Variants in MYOZ2 observed in about 807,000 individuals in gnomAD.
The protein encoded by MYOZ2 is myozenin 2, also known as myozenin-2.
A neutral mutation model predicts 25.4 loss-of-function variants in MYOZ2; 19 were observed. The observed-to-expected ratio is 0.75, with a 90% CI of 0.52 to 1.10. The LOEUF (loss-of-function observed/expected upper bound fraction) is 1.10, where lower values mean the gene tolerates loss of function less well. Among genes scored for constraint, MYOZ2 ranks in the 50% least tolerant of loss-of-function variants. The pLI, the probability that MYOZ2 is intolerant of heterozygous loss-of-function variation, is 0.00. For missense variants in MYOZ2, 270 were observed against 317.9 expected, an observed-to-expected ratio of 0.85 and a Z score of 1.15; for synonymous variants, 92 against 106.9, an observed-to-expected ratio of 0.86 and a Z score of 0.86.
chr4:119,145,163 T>C (rs1294971247), intron 2 of MYOZ2, among the ~76,000 whole-genome samples: 1 of 152,154 alleles, frequency 6.6e-6, no homozygotes, highest in Non-Finnish European at 1.5e-5. Flanking sequence ...CATTGATTGA[T>C]CTTTGAATAG....
chr4:119,180,554 T>C (rs1578371739), intron 5 of MYOZ2, among the ~76,000 whole-genome samples: 2 of 152,314 alleles, frequency 1.3e-5, no homozygotes, highest in South Asian at 4.1e-4. Flanking sequence ...TTAATTTTCA[T>C]GATCACATAT....
intron 2 of MYOZ2, among the ~76,000 whole-genome samples, chr4:119,148,637 C>G (rs903438772): frequency 6.6e-6 from 1 of 151,624 alleles, no homozygotes; most frequent in Non-Finnish European, 1.5e-5. Context: ...ACTATTGAGC[C>G]CATTCACTGA....
At chr4:119,155,278 A>G (rs777434271) in intron 3 of MYOZ2, among the ~76,000 whole-genome samples, 2 of 152,164 alleles carry the variant, frequency 1.3e-5, no homozygotes, top group African/African-American at 4.8e-5. Flanking sequence ...TTTAGAGGGG[A>G]CAAATATCCA....
At chr4:119,155,754 C>G (rs549262657) in intron 3 of MYOZ2, among the ~76,000 whole-genome samples, 25 of 152,220 alleles carry the variant, frequency 1.6e-4, no homozygotes, top group African/African-American at 5.5e-4. Context: ...TAATGCCATA[C>G]CAGCATTTGT....
At chr4:119,177,732 C>T (rs1441439873) in intron 5 of MYOZ2, among the ~76,000 whole-genome samples, 1 of 152,156 alleles carries the variant, frequency 6.6e-6, no homozygotes, top group African/African-American at 2.4e-5. Context: ...AAGTCAGCCT[C>T]TCTAATTGCA....
At chr4:119,179,975 A>C (rs1236021332) in intron 5 of MYOZ2, among the ~76,000 whole-genome samples, 1 of 152,234 alleles carries the variant, frequency 6.6e-6, no homozygotes, top group African/African-American at 2.4e-5. Context: ...AAGTTTCAAC[A>C]CATAATTTTT....
chr4:119,139,455 G>A (rs1013348805), intron 2 of MYOZ2, among the ~76,000 whole-genome samples: 4 of 152,158 alleles, frequency 2.6e-5, no homozygotes, highest in Non-Finnish European at 5.9e-5. Context: ...CCCCACCCAT[G>A]AGCCTTGTGC....
At chr4:119,177,571 A>T (rs1033997691) in intron 5 of MYOZ2, among the ~76,000 whole-genome samples, 2 of 152,148 alleles carry the variant, frequency 1.3e-5, no homozygotes, top group African/African-American at 2.4e-5. Context: ...AACCAATGGG[A>T]TCACTTTTTA....
intron 5 of MYOZ2, among the ~76,000 whole-genome samples, chr4:119,166,993 A>C (rs552866711): frequency 6.6e-6 from 1 of 152,330 alleles, no homozygotes; most frequent in South Asian, 2.1e-4. Flanking sequence ...TATTGAAATT[A>C]AGCCAATTAA....
At chr4:119,148,235 T>A (rs371028421) in intron 2 of MYOZ2, among the ~76,000 whole-genome samples, 4 of 152,166 alleles carry the variant, frequency 2.6e-5, no homozygotes, top group African/African-American at 7.2e-5. Flanking sequence ...ATTTTCCCCT[T>A]ATATAAGTAA....
intron 5 of MYOZ2, among the ~76,000 whole-genome samples, chr4:119,177,045 G>A (rs1193968668): frequency 6.6e-6 from 1 of 150,646 alleles, no homozygotes; most frequent in Non-Finnish European, 1.5e-5. Context: ...TGGGTGACAA[G>A]AGCGAGACTC....
intron 5 of MYOZ2, among the ~76,000 whole-genome samples, chr4:119,170,211 A>G (rs1741919325): frequency 2.0e-5 from 3 of 151,830 alleles, no homozygotes; most frequent in Admixed American, 6.6e-5. Flanking sequence ...GACAACCACC[A>G]TTCTACTTTC....
intron 4 of MYOZ2, among the ~76,000 whole-genome samples, chr4:119,158,400 A>G (rs1741633311): frequency 1.3e-5 from 2 of 152,024 alleles, no homozygotes; most frequent in African/African-American, 2.4e-5. Flanking sequence ...TACAATAAAT[A>G]CAAAATTTAG....
intron 2 of MYOZ2, among the ~76,000 whole-genome samples, chr4:119,148,484 G>A (rs1196582969): frequency 1.3e-5 from 2 of 151,954 alleles, no homozygotes; most frequent in Non-Finnish European, 2.9e-5. Context: ...TGACATGAAT[G>A]CTATATCTTT....
intron 5 of MYOZ2, among the ~76,000 whole-genome samples, chr4:119,181,540 A>C (rs1248770644): frequency 2.0e-5 from 3 of 152,220 alleles, no homozygotes; most frequent in Admixed American, 1.3e-4. Context: ...GAGAGTAAAA[A>C]CCATGACTTT....
intron 1 of MYOZ2, 21 bp from the exon 2 acceptor site, chr4:119,136,491 A>G (rs762048943): frequency 6.3e-7 from 1 of 1,591,748 alleles, no homozygotes; most frequent in Non-Finnish European, 8.6e-7. Context: ...TGCCTCAATA[A>G]TGTCCCTTTG....
At chr4:119,156,678 T>C (rs1481542141) in intron 3 of MYOZ2, among the ~76,000 whole-genome samples, 3 of 152,198 alleles carry the variant, frequency 2.0e-5, no homozygotes, top group South Asian at 2.1e-4. Flanking sequence ...CCTGGGAAGT[T>C]AGTATATCAT....
chr4:119,170,408 G>A (rs1280587396), intron 5 of MYOZ2, among the ~76,000 whole-genome samples: 6 of 152,016 alleles, frequency 3.9e-5, no homozygotes, highest in Non-Finnish European at 8.8e-5. Flanking sequence ...AGAGGGTATT[G>A]TGATTGGGCA....
At chr4:119,137,390 G>A (rs1036015669) in intron 2 of MYOZ2, among the ~76,000 whole-genome samples, 1 of 152,032 alleles carries the variant, frequency 6.6e-6, no homozygotes, top group East Asian at 1.9e-4. Flanking sequence ...AAATATTCAG[G>A]TCCTCTTAGG....
Sources: gnomAD v4.1 joint callset for allele counts (sites outside exome capture counted in the v4.1 genomes callset) on GRCh38, gnomAD v4.1.1 for gene constraint, MANE v1.5 for transcripts, NCBI Gene and HGNC (gene_info 2026-07-23, HGNC 2026-07-21) for gene names.